The following HEXB variants were observed in gnomAD, a reference collection of about 807,000 sequenced individuals.
HEXB encodes beta-hexosaminidase subunit beta.
HEXB carries 51 observed loss-of-function variants against 71.2 expected under a neutral mutation model. The observed-to-expected ratio is 0.72, with a 90% confidence interval of 0.57 to 0.90. The LOEUF is 0.90. Ranked by LOEUF, HEXB falls within the 40% of genes least tolerant of loss-of-function variation. HEXB has a pLI of 0.00. For missense variants in HEXB, 617 were observed against 677.0 expected (o/e 0.91, Z 0.98); for synonymous variants, 266 against 249.3 (o/e 1.07, Z -0.63).
chr5:74,712,801 C>T (rs902730459), intron 6 of HEXB, among the ~76,000 whole-genome samples: 7 of 152,104 alleles, frequency 4.6e-5, no homozygotes, highest in Non-Finnish European at 1.0e-4. Context: ...TGCTTTTCCG[C>T]AACTGAGCAC....
intron 1 of HEXB, among the ~76,000 whole-genome samples, chr5:74,643,530 G>A (rs1050657119): frequency 6.6e-6 from 1 of 152,182 alleles, no homozygotes; most frequent in Non-Finnish European, 1.5e-5. Flanking sequence ...GCAGGTCTTT[G>A]CCTCTGTCTT....
At chr5:74,713,800 A>C (rs1749611038) in intron 7 of HEXB, among the ~76,000 whole-genome samples, 165 bp downstream of exon 7, 1 of 152,102 alleles carries the variant, frequency 6.6e-6, no homozygotes, top group Non-Finnish European at 1.5e-5. Flanking sequence ...AGTAGCTGAG[A>C]CTACAGGCAT....
chr5:74,677,297 C>T (rs528709089), intron 1 of HEXB, among the ~76,000 whole-genome samples: 1 of 152,238 alleles, frequency 6.6e-6, no homozygotes, highest in South Asian at 2.1e-4. Flanking sequence ...TACACATTTG[C>T]ATGACTAAGT....
chr5:74,716,734 G>A lies in HEXB; in HGVS notation c.1169+61G>A, dbSNP rs186219305. 908 of 1,081,128 alleles carry A rather than the reference G, an allele frequency of 8.4e-4. 9 individuals are homozygous for A. In the African/African-American group the frequency reaches 0.013, roughly 15 times the overall value. 67.0% of individuals were successfully genotyped at this position (1,081,128 alleles called of 1,614,324 possible). A position where few individuals can be genotyped will look rare whatever the true frequency, so the allele number is the denominator to read the frequency against. On this transcript the variant is annotated intron_variant, in intron 9 of 13. Coordinates refer to ENST00000261416, the MANE Select transcript of HEXB (RefSeq NM_000521.4). ...TTTTTGTAAAAGTTTATTTAGTAATGTGCTTTATTTTTTACATTTTCTCTA... is the reference window on the plus strand; with the variant it reads ...TTTTTGTAAAAGTTTATTTAGTAATATGCTTTATTTTTTACATTTTCTCTA...
intron 2 of HEXB, among the ~76,000 whole-genome samples, chr5:74,692,081 T>G (rs1749014773): frequency 6.6e-6 from 1 of 152,148 alleles, no homozygotes; most frequent in Non-Finnish European, 1.5e-5. Context: ...ATCAAATATA[T>G]GCAATATATT....
intron 5 of HEXB, among the ~76,000 whole-genome samples, chr5:74,704,068 ACT>A (rs902286688): frequency 2.6e-5 from 4 of 152,168 alleles, no homozygotes; most frequent in African/African-American, 9.7e-5. Flanking sequence ...GGTGTAACAA[ACT>A]CTATGGCTTG....
At chr5:74,670,879 A>T (rs751007208) in intron 1 of HEXB, among the ~76,000 whole-genome samples, 11 of 151,846 alleles carry the variant, frequency 7.2e-5, no homozygotes, top group Non-Finnish European at 1.3e-4. Flanking sequence ...GCTCGCTCAC[A>T]CACCCCCTCC....
upstream of HEXB, among the ~76,000 whole-genome samples, chr5:74,684,674 CTTTTTT>C (rs1191674612): frequency 4.4e-3 from 594 of 133,872 alleles, no homozygotes; most frequent in Non-Finnish European, 8.1e-3. Flanking sequence ...TTTTTCTTTT[CTTTTTT>C]TTTTTTTTTT....
chr5:74,685,559 G>T lies in HEXB; in HGVS notation c.299G>T (p.Arg100Leu), dbSNP rs1060499701. The change falls in exon 1 of 14, where the codon CGA becomes CTA. Residue 100 changes from arginine (R) to leucine (L), a missense_variant and splice_region_variant. Transcript: ENST00000261416. ...SCTLLEEAFR[R>L]YHGYIFGFYK... ...ACCCTGCTGGAGGAAGCGTTTCGACGGTGAGCGCTCCCGGCCCGGCCGGGA... is the reference window on the plus strand; with the variant it reads ...ACCCTGCTGGAGGAAGCGTTTCGACTGTGAGCGCTCCCGGCCCGGCCGGGA... 6.4e-7 allele frequency: 1 copy of T among 1,550,484 alleles called. No individual in the cohort carries two copies. The highest frequency in any genetic ancestry group is 8.7e-7 in the Non-Finnish European group (1 of 1,151,350).
chr5:74,660,395 A>G (rs1288188002), intron 1 of HEXB, among the ~76,000 whole-genome samples: 1 of 152,140 alleles, frequency 6.6e-6, no homozygotes, highest in Non-Finnish European at 1.5e-5. Flanking sequence ...ATCTGGGAAA[A>G]TTTTTGCTTT....
intron 2 of HEXB, among the ~76,000 whole-genome samples, chr5:74,692,942 C>G (rs752497820): frequency 6.6e-6 from 1 of 152,230 alleles, no homozygotes; most frequent in Admixed American, 6.5e-5. Flanking sequence ...AGATTAGCCT[C>G]TCACCAGAAG....
intron 1 of HEXB, among the ~76,000 whole-genome samples, chr5:74,679,335 C>T (rs1748694693): frequency 6.6e-6 from 1 of 152,118 alleles, no homozygotes; most frequent in East Asian, 1.9e-4. Context: ...TTATTGGAAA[C>T]TGGAGAAATA....
rs1748945643 is a variant in HEXB at position 74,689,420 on chromosome 5, T to G, written c.392T>G (p.Ile131Ser). ...CAGGTTCAGCAACTTCTTGTCTCAA[T>G]CACCCTTCAGTCAGAGTGTGATGCT... ...KTQVQQLLVSITLQSECDAFP... is the reference protein window; with the variant it reads ...KTQVQQLLVSSTLQSECDAFP... The change falls in exon 2 of 14, where the codon ATC becomes AGC. Residue 131 changes from isoleucine (I) to serine (S), a missense_variant. Coordinates refer to ENST00000261416, the MANE Select transcript of HEXB (RefSeq NM_000521.4). 1 of 1,613,576 alleles carries G rather than the reference T, an allele frequency of 6.2e-7. No homozygotes were observed.
chr5:74,708,286 G>A (rs978448132), intron 6 of HEXB, among the ~76,000 whole-genome samples: 13 of 151,928 alleles, frequency 8.6e-5, no homozygotes, highest in Non-Finnish European at 1.5e-4. Flanking sequence ...AGCTCCTGAA[G>A]GAAGCACTAA....
At chr5:74,706,954 C>A (rs2112159406) in intron 6 of HEXB, among the ~76,000 whole-genome samples, 1 of 152,404 alleles carries the variant, frequency 6.6e-6, no homozygotes, top group Non-Finnish European at 1.5e-5. Flanking sequence ...GTGGTTCTCC[C>A]AGCACACAGC....
intron 1 of HEXB, among the ~76,000 whole-genome samples, chr5:74,675,077 G>A (rs1561209799): frequency 6.6e-6 from 1 of 152,204 alleles, no homozygotes; most frequent in Non-Finnish European, 1.5e-5. Context: ...CAACATGGGA[G>A]TCAGATCAGG....
chr5:74,711,124 A>C, intron 6 of HEXB, among the ~76,000 whole-genome samples: 1 of 151,506 alleles, frequency 6.6e-6, no homozygotes, highest in Non-Finnish European at 1.5e-5. Flanking sequence ...CCTCAGAAAT[A>C]ACGCTGCATA....
At chr5:74,682,338 A>G (rs1352168541), upstream of HEXB, among the ~76,000 whole-genome samples, 7 of 152,360 alleles carry the variant, frequency 4.6e-5, no homozygotes, top group African/African-American at 1.7e-4. Context: ...AGCCTGGGCG[A>G]TAGAGCGAGA....
intron 8 of HEXB, 24 bp from the exon 9 acceptor site, chr5:74,716,563 A>T (rs1275847562): frequency 6.8e-7 from 1 of 1,473,432 alleles, no homozygotes; most frequent in Admixed American, 1.7e-5. Context: ...CTTCTAATGA[A>T]ATTTTAATCA....
Sources: gnomAD v4.1 joint callset for allele counts (sites outside exome capture counted in the v4.1 genomes callset) on GRCh38, gnomAD v4.1.1 for gene constraint, MANE v1.5 for transcripts, NCBI Gene and HGNC (gene_info 2026-07-23, HGNC 2026-07-21) for gene names.